The following UROC1 variants were observed in gnomAD, a reference collection of about 807,000 sequenced individuals.
The protein encoded by UROC1 is urocanate hydratase 1.
In UROC1, 79 loss-of-function variants were observed where a neutral mutation model predicts 89.5. The ratio of observed to expected loss-of-function variants is 0.88; its 90% CI spans 0.74 to 1.06. The LOEUF is 1.06. UROC1 is among the 50% of genes least tolerant of loss of function. The pLI, the probability that UROC1 is intolerant of heterozygous loss-of-function variation, is 0.00. For missense variants in UROC1, 885 were observed against 907.8 expected (o/e 0.97, Z 0.32); for synonymous variants, 361 against 354.8 (o/e 1.02, Z -0.20).
chr3:126,497,749 CA>C (rs1203304065), intron 14 of UROC1, among the ~76,000 whole-genome samples: 4 of 152,228 alleles, frequency 2.6e-5, no homozygotes, highest in African/African-American at 9.6e-5. Flanking sequence ...CTGTCACTCG[CA>C]GCCAGAGGTC....
chr3:126,489,693 C>T (rs1935600950), intron 16 of UROC1, among the ~76,000 whole-genome samples: 1 of 152,184 alleles, frequency 6.6e-6, no homozygotes, highest in Non-Finnish European at 1.5e-5. Flanking sequence ...TCCCCTATAT[C>T]ACAGAGCGAG....
rs759765427 is a variant in UROC1 at position 126,500,840 on chromosome 3, C to T, written c.1000G>A (p.Glu334Lys). 30 of 1,613,912 alleles carry T rather than the reference C, an allele frequency of 1.9e-5. 1 individual carries two copies. In the South Asian group the frequency reaches 3.3e-4, roughly 18 times the overall value. The stretch of plus-strand genomic sequence containing the variant: ...TCTGACCCCAGGTCCACCAAGCACT[C>T]CCCCGTCGTGTCCAATTCGTGGACC... Reference protein sequence around the residue: ...RLVHELDTTGECLVDLGSDQT... With the variant: ...RLVHELDTTGKCLVDLGSDQT... The change falls in exon 11 of 20, where the codon GAG becomes AAG. Residue 334 changes from glutamate (E) to lysine (K), a missense_variant. Physicochemically the swap from Glu to Lys is moderately conservative, Grantham distance 56. Transcript: ENST00000290868.
At chr3:126,504,168 G>A in intron 8 of UROC1, 85 bp from the exon 9 acceptor site, 1 of 1,397,708 alleles carries the variant, frequency 7.2e-7, no homozygotes, top group Non-Finnish European at 1.0e-6. Flanking sequence ...AACTAGGAAG[G>A]TGTCATCCCC....
chr3:126,485,154 T>C (rs1025721166), intron 18 of UROC1, among the ~76,000 whole-genome samples: 2 of 152,222 alleles, frequency 1.3e-5, no homozygotes, highest in East Asian at 1.9e-4. Context: ...AAATGCCAGA[T>C]GTATTAAAGT....
chr3:126,495,706 A>AT (rs1413569422), intron 15 of UROC1, among the ~76,000 whole-genome samples: 6 of 152,168 alleles, frequency 3.9e-5, no homozygotes, highest in Non-Finnish European at 8.8e-5. Context: ...TCTATTTTTG[A>AT]TTTTTTGCAG....
intron 18 of UROC1, among the ~76,000 whole-genome samples, chr3:126,485,100 C>T (rs1935482323): frequency 6.6e-6 from 1 of 152,174 alleles, no homozygotes; most frequent in Non-Finnish European, 1.5e-5. Context: ...GGTGTTGGAA[C>T]AACTAACTAT....
chr3:126,511,323 A>G (rs1936192159), intron 1 of UROC1, among the ~76,000 whole-genome samples: 1 of 152,178 alleles, frequency 6.6e-6, no homozygotes, highest in Non-Finnish European at 1.5e-5. Flanking sequence ...TCCATGCAAC[A>G]AGACAACCTT....
At chr3:126,503,929 C>G (rs1240824359) in intron 9 of UROC1, 66 bp downstream of exon 9, 2 of 1,586,890 alleles carry the variant, frequency 1.3e-6, no homozygotes, top group Non-Finnish European at 1.7e-6. Flanking sequence ...CCATGGGGGT[C>G]CTCTTGTGGT....
intron 15 of UROC1, 102 bp downstream of exon 15, chr3:126,495,936 G>A (rs2107539340): frequency 3.4e-6 from 4 of 1,165,848 alleles, no homozygotes; most frequent in Middle Eastern, 2.2e-4. Context: ...TTGGCAAGCT[G>A]GAGGCTGTGG....
chr3:126,497,800 C>T (rs796568305), intron 14 of UROC1, among the ~76,000 whole-genome samples: 10 of 85,258 alleles, frequency 1.2e-4, no homozygotes, highest in African/African-American at 3.8e-4. Context: ...AGGGCAGAGG[C>T]TTGGTGTGGG....
intron 16 of UROC1, 111 bp from the exon 17 acceptor site, chr3:126,489,486 G>T: frequency 1.2e-6 from 1 of 829,884 alleles, no homozygotes; most frequent in East Asian, 2.5e-5. Flanking sequence ...TTCTCCTCCT[G>T]GAAAATAGAC....
intron 16 of UROC1, among the ~76,000 whole-genome samples, chr3:126,490,829 G>C: frequency 6.6e-6 from 1 of 152,214 alleles, no homozygotes; most frequent in East Asian, 1.9e-4. Context: ...TCAGTCAGGA[G>C]AGGGAGCACG....
chr3:126,487,493 C>T (rs1576710324), intron 18 of UROC1, among the ~76,000 whole-genome samples: 1 of 152,342 alleles, frequency 6.6e-6, no homozygotes, highest in African/African-American at 2.4e-5. Flanking sequence ...CGGAATGCTC[C>T]ACCGGGACTT....
chr3:126,511,756 T>C (rs934490737), intron 1 of UROC1, among the ~76,000 whole-genome samples: 5 of 152,254 alleles, frequency 3.3e-5, no homozygotes, highest in Non-Finnish European at 5.9e-5. Flanking sequence ...CAAAGGAGAT[T>C]CTGGCAATTT....
chr3:126,500,700 C>T lies in UROC1; in HGVS notation c.1140G>A (p.Gln380=). The part of the protein sequence containing the change: ...SNPAVFKDLV[Q]ESLRRQVSAI... ...CCCCCAACTCCAAGTAGCACCTTTC[C>T]TGGACCAGGTCCTTGAACACAGCAG... Residue 380 remains glutamine (Q), a synonymous_variant, in exon 11 of 20, where the codon CAG becomes CAA. Transcript: ENST00000290868. The T allele has an allele frequency of 2.5e-6, 4 of 1,614,154 alleles. No homozygotes were observed. Among genetic ancestry groups the T allele is most frequent in the East Asian group, 2.2e-5 (1 of 44,870 alleles).
At chr3:126,511,570 T>C (rs1002431359) in intron 1 of UROC1, among the ~76,000 whole-genome samples, 2 of 152,264 alleles carry the variant, frequency 1.3e-5, no homozygotes, top group African/African-American at 4.8e-5. Flanking sequence ...TTGTGTCAAA[T>C]GCATTAGAAA....
In UROC1 at chr3:126,496,047, C is replaced by A. The variant is rs1292449123; in HGVS notation, c.1500G>T (p.Arg500Ser). ...AGGCCTGGGCCCTCACCAGCCGGTG[C>A]CTGGCGGCCTCCCGGATCCAGCGGA... ...DNIRWIREAA[R>S]HRLVVGSQAR... The change falls in exon 15 of 20, where the codon AGG (arginine) becomes AGT (serine). Residue 500 changes from arginine to serine, a missense_variant. Physicochemically the swap from Arg to Ser is moderately radical, Grantham distance 110. Coordinates refer to ENST00000290868, the MANE Select transcript of UROC1 (RefSeq NM_144639.3). 1.4e-5 allele frequency: 22 copies of A among 1,613,122 alleles called. No homozygotes were observed. Among genetic ancestry groups the A allele is most frequent in the Non-Finnish European group, 1.9e-5 (22 of 1,179,970 alleles).
chr3:126,492,346 G>T, intron 16 of UROC1, 72 bp downstream of exon 16: 1 of 1,446,528 alleles, frequency 6.9e-7, no homozygotes, highest in Non-Finnish European at 9.5e-7. Flanking sequence ...GGCACACGCA[G>T]GAAGGCCCAA....
chr3:126,501,222 G>A lies in UROC1; in HGVS notation c.961C>T (p.Leu321Phe), dbSNP rs1224212283. Reference sequence around the variant, plus strand: ...CAACTCCCAACCCCCACTCACCAAAGAGCCACCACGTTGCCATGGTAACCA... The same window carrying A: ...CAACTCCCAACCCCCACTCACCAAAAAGCCACCACGTTGCCATGGTAACCA... ...SLGYHGNVVA[L>F]WERLVHELDT... is the part of the protein sequence containing the mutation. Residue 321 changes from leucine (L) to phenylalanine (F), a missense_variant, in exon 10 of 20, where the codon CTT (leucine) becomes TTT (phenylalanine). Coordinates refer to ENST00000290868, the MANE Select transcript of UROC1 (RefSeq NM_144639.3). 5 of 1,614,124 alleles carry A rather than the reference G, an allele frequency of 3.1e-6. No individual in the cohort carries two copies. Among genetic ancestry groups the A allele is most frequent in the Non-Finnish European group, 4.2e-6 (5 of 1,180,010 alleles).
Sources: allele counts gnomAD v4.1 joint callset (sites outside exome capture counted in the v4.1 genomes callset), GRCh38; gene constraint gnomAD v4.1.1; transcripts MANE v1.5; gene names NCBI Gene and HGNC (gene_info 2026-07-23, HGNC 2026-07-21).